The following PFKFB2 variants were observed in gnomAD, a reference collection of about 807,000 sequenced individuals.
PFKFB2 encodes 6-phosphofructo-2-kinase/fructose-2,6-biphosphatase 2.
A neutral mutation model predicts 68.0 loss-of-function variants in PFKFB2; 53 were observed. The observed-to-expected ratio is 0.78, with a 90% confidence interval of 0.63 to 0.98. The LOEUF (loss-of-function observed/expected upper bound fraction) is 0.98. Among genes scored for constraint, PFKFB2 ranks in the 50% least tolerant of loss-of-function variants. The probability of loss-of-function intolerance (pLI) is 0.00; values close to 1 mark genes in which losing one functional copy is unlikely to be tolerated. For synonymous variants in PFKFB2, 222 were observed against 227.6 expected (o/e 0.98, Z 0.22); for missense variants, 451 against 642.0 (o/e 0.70, Z 3.22).
chr1:207,065,516 A>ATT (rs1230382190), intron 8 of PFKFB2, among the ~76,000 whole-genome samples: 2 of 136,876 alleles, frequency 1.5e-5, no homozygotes, highest in African/African-American at 2.7e-5. Flanking sequence ...ATGCCCGGCT[A>ATT]TTTTTTTTTT....
upstream of PFKFB2, chr1:207,051,074 G>A (rs1249214835): frequency 6.8e-6 from 10 of 1,463,564 alleles, no homozygotes; most frequent in African/African-American, 8.5e-5. Context: ...ACGCTTCGGT[G>A]CGGCTTCTGC....
Position 207,070,177 on chromosome 1 carries a change from G to A in PFKFB2, c.1093-103G>A. 1 of 1,388,486 alleles carries A rather than the reference G, an allele frequency of 7.2e-7. No homozygotes were observed. 86.0% of individuals were successfully genotyped at this position (1,388,486 alleles called of 1,614,324 possible). A position where few individuals can be genotyped will look rare whatever the true frequency, so the allele number is the denominator to read the frequency against. ...CACTGAGCCTCCAGGAGGAAAGCCA[G>A]CTGAGGAAGAAGAAGTGGCCCTTAG... On this transcript the variant is annotated intron_variant, in intron 11 of 14. Coordinates refer to ENST00000367080, the MANE Select transcript of PFKFB2 (RefSeq NM_006212.2). The surrounding 1 kb of genome is among the most constrained non-coding windows in gnomAD (Gnocchi z 4.2).
At chr1:207,055,548 T>TG (rs1336458284) in intron 2 of PFKFB2, among the ~76,000 whole-genome samples, 1 of 152,000 alleles carries the variant, frequency 6.6e-6, no homozygotes, top group Non-Finnish European at 1.5e-5. Context: ...CCACATATTT[T>TG]GGGGAACTTC....
rs1683657602 is a variant in PFKFB2 at position 207,077,370 on chromosome 1, A to G, written c.*4999A>G. On this transcript the variant is annotated 3_prime_UTR_variant, in exon 15 of 15. Coordinates refer to ENST00000367080, the MANE Select transcript of PFKFB2 (RefSeq NM_006212.2). ...GTTGGCAAAAGTATTTTTTCCAGTA[A>G]GCCTTTCACTGGATATCTGTGACCA... The G allele has an allele frequency of 1.0e-6, 1 of 984,914 alleles. No homozygotes were observed. Among genetic ancestry groups the G allele is most frequent in the Non-Finnish European group, 1.2e-6 (1 of 829,548 alleles). 61.0% of individuals were successfully genotyped at this position (984,914 alleles called of 1,614,324 possible).
At chr1:207,059,157 T>C (rs978251679) in intron 2 of PFKFB2, among the ~76,000 whole-genome samples, 2 of 152,170 alleles carry the variant, frequency 1.3e-5, no homozygotes, top group Admixed American at 6.5e-5. Context: ...GAGGTCCCAG[T>C]GGATGCAGTT....
At position 207,068,157 on chromosome 1, in the gene PFKFB2, C is replaced by T; in HGVS notation, c.841-6C>T. ...TTTACCCTTAATTTTCATTTTTAAA[C>T]CCCAGTTTGCCCAAGCTCTAAGGAA... On this transcript the variant is annotated splice_polypyrimidine_tract_variant and splice_region_variant and intron_variant, in intron 9 of 14. Coordinates refer to ENST00000367080, the MANE Select transcript of PFKFB2 (RefSeq NM_006212.2). 1.2e-6 allele frequency: 2 copies of T among 1,601,152 alleles called. No homozygotes were observed. Among genetic ancestry groups the T allele is most frequent in the Non-Finnish European group, 8.5e-7 (1 of 1,175,216 alleles).
chr1:207,035,130 C>T (rs767358580), intron 1 of PFKFB2: 1 of 984,294 alleles, frequency 1.0e-6, no homozygotes. Flanking sequence ...GATGACCAGA[C>T]TCTGTGGAAA....
chr1:207,059,297 C>A (rs914631703), intron 2 of PFKFB2, among the ~76,000 whole-genome samples: 1 of 152,106 alleles, frequency 6.6e-6, no homozygotes. Context: ...ATAGGACCTT[C>A]GGGGGAAGTG....
At chr1:207,049,596 G>A (rs1682684111), upstream of PFKFB2, 1 of 1,614,228 alleles carries the variant, frequency 6.2e-7, no homozygotes, top group African/African-American at 1.3e-5. Context: ...GGCAAGAGTT[G>A]TCTGCTGGGA....
chr1:207,071,644 A>AAACCCCAGTCTCTT, intron 14 of PFKFB2, 71 bp downstream of exon 14: 1 of 1,100,226 alleles, frequency 9.1e-7, no homozygotes, highest in Non-Finnish European at 1.4e-6. Flanking sequence ...TGACATCAAG[A>AAACCCCAGTCTCTT]GACTGGGGTT....
chr1:207,041,876 C>T (rs1002204880), intron 1 of PFKFB2, among the ~76,000 whole-genome samples: 3 of 152,242 alleles, frequency 2.0e-5, no homozygotes, highest in African/African-American at 7.2e-5. Flanking sequence ...TATTTCTCCA[C>T]ATTCTCTCTA....
chr1:207,050,984 G>C (rs1441934448), upstream of PFKFB2: 5 of 1,532,874 alleles, frequency 3.3e-6, no homozygotes, highest in Admixed American at 4.1e-5. Flanking sequence ...GGGGAAACCA[G>C]GCGCCGGGTG....
intron 2 of PFKFB2, among the ~76,000 whole-genome samples, chr1:207,057,770 T>C (rs959584301): frequency 6.6e-6 from 1 of 152,212 alleles, no homozygotes; most frequent in African/African-American, 2.4e-5. Flanking sequence ...CCATTTCCTT[T>C]TTTATTTTTT....
intron 1 of PFKFB2, among the ~76,000 whole-genome samples, chr1:207,036,607 C>T (rs1215171946): frequency 2.6e-5 from 4 of 152,182 alleles, no homozygotes; most frequent in Non-Finnish European, 4.4e-5. Flanking sequence ...AGTATGACAA[C>T]AGTAGTCAAG....
chr1:207,045,272 A>G (rs2102321065), intron 2 of PFKFB2: 1 of 152,590 alleles, frequency 6.6e-6, no homozygotes, highest in East Asian at 1.9e-4. Flanking sequence ...TAATAATACA[A>G]GATATTCACA....
At chr1:207,050,586 C>G (rs796705998), upstream of PFKFB2, 19 of 1,518,296 alleles carry the variant, frequency 1.3e-5, no homozygotes, top group Admixed American at 3.2e-4. Context: ...CAAAGCCCCC[C>G]CGCCGACTCA....
Position 207,071,203 on chromosome 1 carries a change from T to A in PFKFB2, c.1238T>A (p.Leu413Ter). The change falls in exon 13 of 15, where the codon TTG (leucine) becomes TAG (stop). Residue 413 changes from leucine (L) to a stop codon, truncating the protein, a stop_gained. Transcript: ENST00000367080. LOFTEE classifies it high-confidence loss of function. The part of the protein sequence containing the change: ...LDKGADELPY[L>*]RCPLHTIFKL... The stretch of plus-strand genomic sequence containing the variant: ...CTGTTTTCAGATGAGCTACCATACT[T>A]GAGATGCCCTCTCCATACCATCTTC... 1 of 1,612,058 alleles carries A rather than the reference T, an allele frequency of 6.2e-7. No homozygotes were observed. The highest frequency in any genetic ancestry group is 8.5e-7 in the Non-Finnish European group (1 of 1,178,116).
Position 207,035,673 on chromosome 1 carries a change from AC to A in PFKFB2, c.-62+1202del, listed in dbSNP as rs200045566. On this transcript the variant is annotated intron_variant, in intron 1 of 5. Coordinates refer to the PFKFB2 transcript ENST00000545806. ...GTCTTAAAAACAAACAAACAAACAA[AC>A]AAAAAAAACAAAAAAAGAAAAGAGG... Among the ~76,000 whole-genome samples, 91 of 145,410 alleles carry A rather than the reference AC, an allele frequency of 6.3e-4. 1 individual carries two copies. Among genetic ancestry groups the A allele is most frequent in the African/African-American group, 2.4e-3 (86 of 35,448 alleles).
At chr1:207,066,811 G>T (rs1843349) in intron 8 of PFKFB2, among the ~76,000 whole-genome samples, 51,258 of 151,758 alleles carry the variant, frequency 0.34, 9,441 homozygotes, top group Middle Eastern at 0.46. Context: ...CCGCCACCAC[G>T]CCCGGCTAAT....
Sources: allele counts gnomAD v4.1 joint callset (sites outside exome capture counted in the v4.1 genomes callset), GRCh38; gene constraint gnomAD v4.1.1; non-coding constraint Gnocchi (gnomAD v3.1); transcripts MANE v1.5; gene names NCBI Gene and HGNC (gene_info 2026-07-23, HGNC 2026-07-21).